Variants in GFM2 observed in about 807,000 individuals in gnomAD.
GFM2 encodes the protein ribosome-releasing factor 2, mitochondrial.
GFM2 carries 72 observed loss-of-function variants against 95.4 expected under a neutral mutation model. The observed-to-expected ratio is 0.76, with a 90% CI of 0.62 to 0.92. GFM2 has a LOEUF of 0.92. GFM2 is among the 40% of genes least tolerant of loss of function. The probability of loss-of-function intolerance (pLI) is 0.00; values close to 1 mark genes in which losing one functional copy is unlikely to be tolerated. For synonymous variants in GFM2, 276 were observed against 317.5 expected (o/e 0.87, Z 1.39); for missense variants, 825 against 924.1 (o/e 0.89, Z 1.39).
At chr5:74,743,905 G>A (rs1384063599) in intron 10 of GFM2, among the ~76,000 whole-genome samples, 1 of 152,198 alleles carries the variant, frequency 6.6e-6, no homozygotes, top group African/African-American at 2.4e-5. Context: ...AGGTTCTTGT[G>A]AGGGTTTAAT....
intron 15 of GFM2, among the ~76,000 whole-genome samples, chr5:74,735,607 G>A (rs1345702754): frequency 6.6e-6 from 1 of 152,092 alleles, no homozygotes; most frequent in African/African-American, 2.4e-5. Context: ...CTAAAGAAAG[G>A]GTAAACCTTT....
intron 10 of GFM2, among the ~76,000 whole-genome samples, chr5:74,744,359 A>C (rs982247135): frequency 4.8e-4 from 70 of 144,884 alleles, no homozygotes; most frequent in Non-Finnish European, 9.3e-4. Flanking sequence ...ACATGACTAT[A>C]CTTAAAAAAA....
At chr5:74,753,511 T>C (rs147606872) in intron 5 of GFM2, among the ~76,000 whole-genome samples, 24,409 of 152,012 alleles carry the variant, frequency 0.16, 2,383 homozygotes, top group African/African-American at 0.27. Context: ...GTGGGAGAAT[T>C]GCTTGAACCT....
At chr5:74,737,968 T>G (rs1448501009) in intron 14 of GFM2, among the ~76,000 whole-genome samples, 1 of 152,104 alleles carries the variant, frequency 6.6e-6, no homozygotes, top group African/African-American at 2.4e-5. Context: ...TAGGTTAAAT[T>G]TTTTGCAATG....
intron 8 of GFM2, among the ~76,000 whole-genome samples, chr5:74,746,397 T>C (rs1418010691): frequency 6.6e-6 from 1 of 152,196 alleles, no homozygotes; most frequent in Non-Finnish European, 1.5e-5. Flanking sequence ...CACAGAGCTG[T>C]TTAGGGTATT....
chr5:74,723,126 T>C (rs1342148195), intron 19 of GFM2, among the ~76,000 whole-genome samples: 4 of 152,178 alleles, frequency 2.6e-5, no homozygotes, highest in Non-Finnish European at 2.9e-5. Flanking sequence ...CTAAAAAAGA[T>C]TGAATTCTGC....
Position 74,757,731 on chromosome 5 carries a change from T to TA in GFM2, c.304+1117dup, listed in dbSNP as rs35313753. ...GCAACAGAGCAAGAGCCTATGTCTC[T>TA]AAAAAAAAAAAAAAAAAAAAAAAAA... On this transcript the variant is annotated intron_variant, in intron 5 of 20. Transcript: ENST00000296805. Among the ~76,000 whole-genome samples, 207 of 89,146 alleles carry TA rather than the reference T, an allele frequency of 2.3e-3. 1 individual carries two copies. The highest frequency in any genetic ancestry group is 0.011 in the South Asian group (28 of 2,554). 58.5% of individuals were successfully genotyped at this position (89,146 alleles called of 152,430 possible).
At chr5:74,747,854 C>G in intron 7 of GFM2, 74 bp from the exon 8 acceptor site, 3 of 780,484 alleles carry the variant, frequency 3.8e-6, no homozygotes. Context: ...ATGAAGAGAT[C>G]CAAAAATCTA....
intron 15 of GFM2, among the ~76,000 whole-genome samples, chr5:74,734,410 C>T (rs1742731328): frequency 6.6e-6 from 1 of 152,014 alleles, no homozygotes; most frequent in African/African-American, 2.4e-5. Flanking sequence ...CTAGACAATA[C>T]TGTTCTAGAC....
chr5:74,721,495 T>C lies in GFM2; in HGVS notation c.*160A>G. ...CATTATATAAATTAAAACGGGTGGC[T>C]CCAGTGCCACTATCAAAGCTTAAGT... On this transcript the variant is annotated 3_prime_UTR_variant, in exon 21 of 21. Coordinates refer to ENST00000296805, the MANE Select transcript of GFM2 (RefSeq NM_032380.5). The C allele has an allele frequency of 1.2e-6, 1 of 822,740 alleles. No homozygotes were observed. Among genetic ancestry groups the C allele is most frequent in the Non-Finnish European group, 2.0e-6 (1 of 498,908 alleles). The allele number at this position is 822,740 out of a possible 1,614,324, so 51.0% of individuals were successfully genotyped here. A position where few individuals can be genotyped will look rare whatever the true frequency, so the allele number is the denominator to read the frequency against.
At position 74,763,329 on chromosome 5, in the gene GFM2, T is replaced by C. The variant is rs137940792; in HGVS notation, c.63+351A>G. Reference sequence around the variant, plus strand: ...TTTCATAAGAGTCTCAATCCATGGATACTTAATATTACAAAGCACATTATT... The same window carrying C: ...TTTCATAAGAGTCTCAATCCATGGACACTTAATATTACAAAGCACATTATT... On this transcript the variant is annotated intron_variant, in intron 2 of 20. Coordinates refer to ENST00000296805, the MANE Select transcript of GFM2 (RefSeq NM_032380.5). 4.6e-5 allele frequency among the ~76,000 whole-genome samples: 7 copies of C among 152,356 alleles called. No homozygotes were observed. The East Asian group carries it at 1.2e-3, about 25-fold the overall frequency.
chr5:74,746,160 T>G lies in GFM2; in HGVS notation c.614A>C (p.Lys205Thr). The G allele has an allele frequency of 1.3e-6, 2 of 1,511,664 alleles. No homozygotes were observed. The highest frequency in any genetic ancestry group is 2.8e-5 in the South Asian group (2 of 72,696). 93.6% of individuals were successfully genotyped at this position (1,511,664 alleles called of 1,614,324 possible). ...CTCTCTGATGCTTTCAACTGCATAC[T>G]TAAAGCTGTAGAAAGCAAAATAATT... ...NKMDKTGASF[K>T]YAVESIREKL... The change falls in exon 9 of 21, where the codon AAG becomes ACG. Residue 205 changes from lysine (K) to threonine (T), a missense_variant. By Grantham distance (78) the Lys-to-Thr change is moderately conservative. Coordinates refer to ENST00000296805, the MANE Select transcript of GFM2 (RefSeq NM_032380.5).
At chr5:74,746,243 CTCTT>C (rs1743380958) in intron 8 of GFM2, 78 bp from the exon 9 acceptor site, 2 of 699,814 alleles carry the variant, frequency 2.9e-6, no homozygotes, top group East Asian at 3.2e-5. Flanking sequence ...GGAAAAAAAA[CTCTT>C]TCAGGTTTTA....
intron 5 of GFM2, among the ~76,000 whole-genome samples, chr5:74,754,899 T>C (rs1580012176): frequency 6.6e-6 from 1 of 152,042 alleles, no homozygotes; most frequent in African/African-American, 2.4e-5. Context: ...GCGGATTACC[T>C]GAGGTCAGGA....
chr5:74,734,421 C>G (rs568640966), intron 15 of GFM2, among the ~76,000 whole-genome samples: 1 of 151,908 alleles, frequency 6.6e-6, no homozygotes, highest in South Asian at 2.1e-4. Context: ...TGTTCTAGAC[C>G]CTTGACATCC....
In GFM2 at chr5:74,747,726, A is replaced by C; in HGVS notation, c.574T>G (p.Cys192Gly). Residue 192 changes from cysteine to glycine, a missense_variant, in exon 8 of 21, where the codon TGT becomes GGT. By Grantham distance (159) the Cys-to-Gly change is radical. Transcript: ENST00000296805. Reference sequence around the variant, plus strand: ...GTTTTGTCCATCTTGTTTAAAAAACAGATTCGAGGTATATTGTGTTTATCA... The same window carrying C: ...GTTTTGTCCATCTTGTTTAAAAAACCGATTCGAGGTATATTGTGTTTATCA... ...QADKHNIPRI[C>G]FLNKMDKTGA... 6.2e-7 allele frequency: 1 copy of C among 1,612,570 alleles called. No individual in the cohort carries two copies. The highest frequency in any genetic ancestry group is 2.2e-5 in the East Asian group (1 of 44,848).
At chr5:74,745,286 A>G (rs1369574701) in intron 10 of GFM2, among the ~76,000 whole-genome samples, 1 of 152,214 alleles carries the variant, frequency 6.6e-6, no homozygotes, top group African/African-American at 2.4e-5. Flanking sequence ...TAGAGGCTGC[A>G]GTGAGCTGAG....
At chr5:74,749,607 A>G (rs540778486) in intron 7 of GFM2, among the ~76,000 whole-genome samples, 41 of 152,310 alleles carry the variant, frequency 2.7e-4, no homozygotes, top group Admixed American at 2.2e-3. Context: ...ATCCATGGTT[A>G]TAGATACGTA....
chr5:74,758,158 GAATT>G (rs1744095174), intron 5 of GFM2, among the ~76,000 whole-genome samples: 1 of 152,108 alleles, frequency 6.6e-6, no homozygotes, highest in Admixed American at 6.5e-5. Context: ...TTTGATGTGA[GAATT>G]TAACTTCTGG....
Sources: gnomAD v4.1 joint callset for allele counts (sites outside exome capture counted in the v4.1 genomes callset) on GRCh38, gnomAD v4.1.1 for gene constraint, MANE v1.5 for transcripts, NCBI Gene and HGNC (gene_info 2026-07-23, HGNC 2026-07-21) for gene names.